Variants in PROSER2 observed in about 807,000 individuals in gnomAD.
PROSER2 encodes proline and serine rich 2.
In PROSER2, 18 loss-of-function variants were observed where a neutral mutation model predicts 14.6. The observed-to-expected ratio is 1.23, with a 90% CI of 0.85 to 1.83. The LOEUF is 1.83. Among genes scored for constraint, PROSER2 ranks in the 40% most tolerant of loss-of-function variants. PROSER2 has a pLI of 0.00. For synonymous variants in PROSER2, 367 were observed against 286.4 expected (o/e 1.28, Z -2.84); for missense variants, 823 against 629.8 (o/e 1.31, Z -3.28).
rs574328858 is a variant in PROSER2 at position 11,870,037 on chromosome 10, G to C, written c.939G>C (p.Pro313=). ...GGGCCCCAGGGGGCGGCTCCTCCCC[G>C]GAGCGGGTGGCGCGTGGCCGGGGCC... ...GEGAPGGGSS[P]ERVARGRGLP... Residue 313 remains proline (P), a synonymous_variant, in exon 4 of 4, where the codon CCG becomes CCC. Transcript: ENST00000277570. 3 of 1,237,926 alleles carry C rather than the reference G, an allele frequency of 2.4e-6. No individual in the cohort carries two copies. Among genetic ancestry groups the C allele is most frequent in the Non-Finnish European group, 3.0e-6 (3 of 991,242 alleles). 76.7% of individuals were successfully genotyped at this position (1,237,926 alleles called of 1,614,324 possible). A position where few individuals can be genotyped will look rare whatever the true frequency, so the allele number is the denominator to read the frequency against.
In PROSER2 at chr10:11,862,989, A is replaced by G. The variant is rs7069533; in HGVS notation, c.139-3542A>G. ...TTCGGAAAGCTGTGTCCACCCACCCAAGCAGACACACATCTTCAGACCCGG... is the reference window on the plus strand; with the variant it reads ...TTCGGAAAGCTGTGTCCACCCACCCGAGCAGACACACATCTTCAGACCCGG... On this transcript the variant is annotated intron_variant, in intron 2 of 3. Coordinates refer to ENST00000277570, the MANE Select transcript of PROSER2 (RefSeq NM_153256.4). The surrounding 1 kb of genome is among the most constrained non-coding windows in gnomAD (Gnocchi z 4.2). 93,080 of 151,982 alleles carry G rather than the reference A, an allele frequency of 0.61. 29,256 individuals carry two copies. Among genetic ancestry groups the G allele is most frequent in the East Asian group, 0.75 (3,857 of 5,170 alleles). The allele number at this position is 151,982 out of a possible 1,614,324, so 9.4% of individuals were successfully genotyped here. A position where few individuals can be genotyped will look rare whatever the true frequency, so the allele number is the denominator to read the frequency against.
chr10:11,861,568 C>T (rs1022825548), intron 2 of PROSER2, among the ~76,000 whole-genome samples: 1 of 152,062 alleles, frequency 6.6e-6, no homozygotes, highest in African/African-American at 2.4e-5. Context: ...CACGGATGGG[C>T]GTCGCTGCCT....
chr10:11,864,028 G>C (rs932530455), intron 2 of PROSER2, among the ~76,000 whole-genome samples: 1 of 152,092 alleles, frequency 6.6e-6, no homozygotes, highest in Non-Finnish European at 1.5e-5. Context: ...CTGGCTCCGT[G>C]TCTTCTGTCT....
At chr10:11,845,381 G>A (rs545597208) in intron 1 of PROSER2, among the ~76,000 whole-genome samples, 5 of 151,970 alleles carry the variant, frequency 3.3e-5, no homozygotes, top group South Asian at 4.2e-4. Context: ...TCTTGTTTTC[G>A]GTGTTCTGTG....
In PROSER2 at chr10:11,843,101, C is replaced by T. The variant is rs567977737; in HGVS notation, c.-81-8896C>T. Among the ~76,000 whole-genome samples, 53 of 150,320 alleles carry T rather than the reference C, an allele frequency of 3.5e-4. No individual in the cohort carries two copies. In the East Asian group the frequency reaches 6.0e-3, roughly 17 times the overall value. Reference sequence around the variant, plus strand: ...GATTACAGGCGCCCGCCACCATGCCCGGCTAATTTTTTGTATTTTTAGTAT... The same window carrying T: ...GATTACAGGCGCCCGCCACCATGCCTGGCTAATTTTTTGTATTTTTAGTAT... On this transcript the variant is annotated intron_variant, in intron 1 of 3. Coordinates refer to ENST00000277570, the MANE Select transcript of PROSER2 (RefSeq NM_153256.4).
chr10:11,870,632 C>T lies in PROSER2; in HGVS notation c.*226C>T, dbSNP rs564486631. 1.3e-5 allele frequency: 6 copies of T among 453,686 alleles called. No homozygotes were observed. The South Asian group carries it at 1.5e-4, about 11-fold the overall frequency. The allele number at this position is 453,686 out of a possible 1,614,324, so 28.1% of individuals were successfully genotyped here. On this transcript the variant is annotated 3_prime_UTR_variant, in exon 4 of 4. Transcript: ENST00000277570. The stretch of plus-strand genomic sequence containing the variant: ...GAACTCTTCCCTAAAGGAATCTGGC[C>T]GAGGGCTTGTCTCCCTTTTCCCAAG...
rs1200693961 is a variant in PROSER2 at position 11,840,939 on chromosome 10, AAAAAAAAAAAAAAAAAATATATAT to A, written c.-81-11056_-81-11033del. Among the ~76,000 whole-genome samples, 110 of 65,440 alleles carry A rather than the reference AAAAAAAAAAAAAAAAAATATATAT, an allele frequency of 1.7e-3. 1 individual carries two copies. Among genetic ancestry groups the A allele is most frequent in the Non-Finnish European group, 2.6e-3 (88 of 34,506 alleles). 42.9% of individuals were successfully genotyped at this position (65,440 alleles called of 152,430 possible). On this transcript the variant is annotated intron_variant, in intron 1 of 3. Transcript: ENST00000277570. ...GACTGTCTCAAAAAAAAAAAAAAAA[AAAAAAAAAAAAAAAAAATATATAT>A]ATATATATATATATATATATATATA...
At chr10:11,844,554 A>T (rs1833897370) in intron 1 of PROSER2, among the ~76,000 whole-genome samples, 1 of 152,194 alleles carries the variant, frequency 6.6e-6, no homozygotes, top group Non-Finnish European at 1.5e-5. Flanking sequence ...ATATAGTCCT[A>T]GACTTTGCAT....
Position 11,830,124 on chromosome 10 carries a change from T to C in PROSER2, c.-82+6654T>C, listed in dbSNP as rs1323978010. ...TCCCAAAGTGCCGGGATTACAGGTG[T>C]GAGCCACTGTGCCAGCCACAATAGG... On this transcript the variant is annotated intron_variant, in intron 1 of 3. Transcript: ENST00000277570. This position sits in a 1 kb window ranked among gnomAD's most constrained non-coding sequence, Gnocchi z 4.5. 3.3e-5 allele frequency among the ~76,000 whole-genome samples: 5 copies of C among 152,276 alleles called. No homozygotes were observed. The highest frequency in any genetic ancestry group is 7.4e-5 in the Non-Finnish European group (5 of 68,000).
intron 1 of PROSER2, among the ~76,000 whole-genome samples, chr10:11,841,668 A>G: frequency 6.6e-6 from 1 of 152,226 alleles, no homozygotes; most frequent in Non-Finnish European, 1.5e-5. Flanking sequence ...CCTAGTGCCT[A>G]CACACATGGG....
Position 11,866,498 on chromosome 10 carries a change from TTC to T in PROSER2, c.139-27_139-26del. On this transcript the variant is annotated intron_variant, in intron 2 of 3. Transcript: ENST00000277570. The surrounding 1 kb of genome is among the most constrained non-coding windows in gnomAD (Gnocchi z 6.0). ...CTCTTTAGTGAAGCCAGTGTTTGTT[TTC>T]TCTCTTCTGTTCCCAATCCCTGTAC... 6.2e-7 allele frequency: 1 copy of T among 1,607,070 alleles called. No homozygotes were observed. The highest frequency in any genetic ancestry group is 8.5e-7 in the Non-Finnish European group (1 of 1,175,752).
In PROSER2 at chr10:11,856,922, C is replaced by T. The variant is rs760074753; in HGVS notation, c.138+4707C>T. ...ACCGGAGGTGCCTTGAGGGAGGAGCCGCCCCATCAGCCATAACCCCGCCCT... is the reference window on the plus strand; with the variant it reads ...ACCGGAGGTGCCTTGAGGGAGGAGCTGCCCCATCAGCCATAACCCCGCCCT... On this transcript the variant is annotated intron_variant, in intron 2 of 3. Transcript: ENST00000277570. The surrounding 1 kb of genome is among the most constrained non-coding windows in gnomAD (Gnocchi z 5.3). 2.0e-5 allele frequency among the ~76,000 whole-genome samples: 3 copies of T among 152,210 alleles called. No individual in the cohort carries two copies. Among genetic ancestry groups the T allele is most frequent in the African/African-American group, 4.8e-5 (2 of 41,444 alleles).
At chr10:11,835,533 T>A (rs1833748258) in intron 1 of PROSER2, among the ~76,000 whole-genome samples, 1 of 152,230 alleles carries the variant, frequency 6.6e-6, no homozygotes, top group Non-Finnish European at 1.5e-5. Flanking sequence ...ACAAAGAATG[T>A]ATGGACTCAG....
intron 2 of PROSER2, among the ~76,000 whole-genome samples, chr10:11,854,929 C>T (rs941706633): frequency 1.3e-5 from 2 of 151,114 alleles, no homozygotes; most frequent in Non-Finnish European, 2.9e-5. Context: ...TGACTTTTCT[C>T]TTTAAAACAA....
chr10:11,832,668 T>A (rs2131048256), intron 1 of PROSER2, among the ~76,000 whole-genome samples: 1 of 152,320 alleles, frequency 6.6e-6, no homozygotes, highest in Non-Finnish European at 1.5e-5. Flanking sequence ...ATAAATTGGA[T>A]GAGATTAATT....
chr10:11,840,852 G>A (rs1163278257), intron 1 of PROSER2, among the ~76,000 whole-genome samples: 5 of 144,826 alleles, frequency 3.5e-5, no homozygotes. Context: ...TTGAACCAGG[G>A]AGGCGGAGGT....
intron 1 of PROSER2, among the ~76,000 whole-genome samples, chr10:11,825,565 G>A (rs1290403176): frequency 3.9e-5 from 6 of 152,196 alleles, no homozygotes; most frequent in African/African-American, 1.2e-4. Context: ...CCCTCTGCAC[G>A]GGTTATGTCC....
At chr10:11,833,566 C>G (rs989272236) in intron 1 of PROSER2, among the ~76,000 whole-genome samples, 1 of 151,966 alleles carries the variant, frequency 6.6e-6, no homozygotes, top group African/African-American at 2.4e-5. Context: ...TGGCTGGTGC[C>G]TGTAGTCCCA....
rs996626351 is a variant in PROSER2 at position 11,865,049 on chromosome 10, A to G, written c.139-1482A>G. ...AGGTTGTACACTAAGGACCCCTTTC[A>G]GTTTGGAAACTCACCTGTTCCTGTT... On this transcript the variant is annotated intron_variant, in intron 2 of 3. Transcript: ENST00000277570. The surrounding 1 kb of genome is among the most constrained non-coding windows in gnomAD (Gnocchi z 4.2). 4.6e-5 allele frequency among the ~76,000 whole-genome samples: 7 copies of G among 152,058 alleles called. No homozygotes were observed. The highest frequency in any genetic ancestry group is 1.7e-4 in the African/African-American group (7 of 41,392).
Sources: gnomAD v4.1 joint callset for allele counts (sites outside exome capture counted in the v4.1 genomes callset) on GRCh38, gnomAD v4.1.1 for gene constraint, Gnocchi (gnomAD v3.1) non-coding constraint, MANE v1.5 for transcripts, NCBI Gene and HGNC (gene_info 2026-07-23, HGNC 2026-07-21) for gene names.